The following EPS15 variants were observed in gnomAD, a reference collection of about 807,000 sequenced individuals.
EPS15 encodes the protein epidermal growth factor receptor substrate 15.
Under a neutral mutation model 113.8 loss-of-function variants are expected in EPS15, and 72 were observed. That is an observed-to-expected ratio of 0.63 (90% CI 0.52 to 0.77). The LOEUF (loss-of-function observed/expected upper bound fraction) is 0.77. Among genes scored for constraint, EPS15 ranks in the 30% least tolerant of loss-of-function variants. The pLI is 0.00. For synonymous variants in EPS15, 344 were observed against 363.4 expected, an observed-to-expected ratio of 0.95 and a Z score of 0.61; for missense variants, 1,048 against 1,045.8, an observed-to-expected ratio of 1.00 and a Z score of -0.03.
intron 24 of EPS15, 29 bp from the exon 25 acceptor site, chr1:51,356,875 GAATA>G (rs1646229841): frequency 6.3e-7 from 1 of 1,588,052 alleles, no homozygotes; most frequent in Non-Finnish European, 8.6e-7. Context: ...ATGAACAAAC[GAATA>G]AATAAATGAG....
intron 12 of EPS15, 74 bp downstream of exon 12, chr1:51,440,273 T>C (rs1035828846): frequency 9.4e-6 from 5 of 530,428 alleles, no homozygotes; most frequent in Non-Finnish European, 1.7e-5. Context: ...CATATATACA[T>C]GTACTGTGTG....
In EPS15 at chr1:51,358,892, C is replaced by T. The variant is rs536679703; in HGVS notation, c.2545-2046G>A. On this transcript the variant is annotated intron_variant, in intron 24 of 24. Transcript: ENST00000371733. ...CTAATTTTTGTATTTTTAGTAGAGA[C>T]GGGGTTTCACCATGTTGGCCAGGCT... Among the ~76,000 whole-genome samples the T allele has an allele frequency of 5.9e-5, 9 of 151,464 alleles. No individual in the cohort carries two copies. The South Asian group carries it at 8.3e-4, about 14-fold the overall frequency.
rs746278908 is a variant in EPS15, at chr1:51,363,960, A to G, written c.2265T>C (p.Asn755=). ...TTTTGACCGATGTTTCCTCAAATACATTTTTTGTAATCACTACGTTGCTGA... is the reference window on the plus strand; with the variant it reads ...TTTTGACCGATGTTTCCTCAAATACGTTTTTTGTAATCACTACGTTGCTGA... ...SSVSNVVITK[N]VFEETSVKSE... The change falls in exon 23 of 25, where the codon AAT becomes AAC. Residue 755 remains asparagine (N), a synonymous_variant. Coordinates refer to ENST00000371733, the MANE Select transcript of EPS15 (RefSeq NM_001981.3). 38 of 1,613,656 alleles carry G rather than the reference A, an allele frequency of 2.4e-5. No individual in the cohort carries two copies. In the Admixed American group the frequency reaches 6.3e-4, roughly 27 times the overall value.
At chr1:51,505,445 A>C (rs1342236794) in intron 1 of EPS15, among the ~76,000 whole-genome samples, 1 of 152,234 alleles carries the variant, frequency 6.6e-6, no homozygotes, top group Non-Finnish European at 1.5e-5. Flanking sequence ...ATATTATTCC[A>C]TTCATACAAA....
chr1:51,514,095 G>A (rs946937974), intron 1 of EPS15, among the ~76,000 whole-genome samples: 2 of 151,934 alleles, frequency 1.3e-5, no homozygotes, highest in African/African-American at 2.4e-5. Flanking sequence ...GCTTAACTGG[G>A]TTAGATCATT....
At chr1:51,382,291 T>C (rs961609869) in intron 21 of EPS15, 1 of 152,078 alleles carries the variant, frequency 6.6e-6, no homozygotes, top group Non-Finnish European at 1.5e-5. Context: ...GAATCTGTAA[T>C]CAAAAACCTT....
Position 51,361,349 on chromosome 1 carries a change from CT to C in EPS15, c.2365del (p.Arg789AspfsTer14). 1 of 1,609,122 alleles carries C rather than the reference CT, an allele frequency of 6.2e-7. No homozygotes were observed. Among genetic ancestry groups the C allele is most frequent in the Non-Finnish European group, 8.5e-7 (1 of 1,177,280 alleles). On this transcript the variant is annotated frameshift_variant, in exon 24 of 25. Coordinates refer to ENST00000371733, the MANE Select transcript of EPS15 (RefSeq NM_001981.3). LOFTEE classifies it high-confidence loss of function. Reference protein sequence around the residue: ...TRPCPLPPGKRSINKLDSPDP... With the variant: ...TRPCPLPPGKXSINKLDSPDP... ...AGGAGAATCCAATTTGTTGATGGAT[CT>C]TTTCCCTGGATCAAAATCATTACAA...
chr1:51,478,216 CTTT>C (rs1212264670), intron 2 of EPS15, among the ~76,000 whole-genome samples: 1 of 152,030 alleles, frequency 6.6e-6, no homozygotes, highest in Non-Finnish European at 1.5e-5. Flanking sequence ...TAATGGCCTT[CTTT>C]GTCTCTTTTG....
chr1:51,380,405 T>C (rs1646914462), intron 21 of EPS15, among the ~76,000 whole-genome samples: 1 of 152,176 alleles, frequency 6.6e-6, no homozygotes, highest in Non-Finnish European at 1.5e-5. Context: ...AGAAGTAAAT[T>C]GTGACTTTCA....
In EPS15 at chr1:51,357,376, G is replaced by GAAAAA. The variant is rs56655497; in HGVS notation, c.2545-535_2545-531dup. ...TGGGTGACAAAGTGAGATTCCATCT[G>GAAAAA]AAAAAAAAAAAAAAAATATATATAT... On this transcript the variant is annotated intron_variant, in intron 24 of 24. Coordinates refer to ENST00000371733, the MANE Select transcript of EPS15 (RefSeq NM_001981.3). 2.2e-3 allele frequency among the ~76,000 whole-genome samples: 72 copies of GAAAAA among 33,094 alleles called. 1 individual carries two copies. Among genetic ancestry groups the GAAAAA allele is most frequent in the African/African-American group, 4.7e-3 (24 of 5,158 alleles). The allele number at this position is 33,094 out of a possible 152,430, so 21.7% of individuals were successfully genotyped here. A position where few individuals can be genotyped will look rare whatever the true frequency, so the allele number is the denominator to read the frequency against.
At chr1:51,441,778 T>C (rs1652615981) in intron 11 of EPS15, among the ~76,000 whole-genome samples, 1 of 152,152 alleles carries the variant, frequency 6.6e-6, no homozygotes, top group African/African-American at 2.4e-5. Context: ...AATAACTTGC[T>C]CAAAGTTGAA....
intron 1 of EPS15, among the ~76,000 whole-genome samples, chr1:51,507,206 A>G (rs1570448468): frequency 6.6e-6 from 1 of 152,256 alleles, no homozygotes; most frequent in Non-Finnish European, 1.5e-5. Context: ...AAAAAAATTT[A>G]TCAAATGGTA....
At chr1:51,400,312 T>C (rs1039968927) in intron 19 of EPS15, among the ~76,000 whole-genome samples, 4 of 152,334 alleles carry the variant, frequency 2.6e-5, no homozygotes, top group East Asian at 3.9e-4. Flanking sequence ...GTATAGATCA[T>C]TATGCTCACC....
chr1:51,452,203 T>C (rs566494512), intron 8 of EPS15, among the ~76,000 whole-genome samples: 3 of 152,154 alleles, frequency 2.0e-5, no homozygotes, highest in East Asian at 1.9e-4. Context: ...AATTTTTTCT[T>C]CCAGAGAAAA....
chr1:51,404,689 C>A (rs1376070650), intron 16 of EPS15, among the ~76,000 whole-genome samples: 1 of 152,180 alleles, frequency 6.6e-6, no homozygotes, highest in African/African-American at 2.4e-5. Flanking sequence ...ATAAATCCCC[C>A]AATGCTTTAA....
rs144427254 is a variant in EPS15, at chr1:51,372,838, G to C, written c.2120-6809C>G. On this transcript the variant is annotated intron_variant, in intron 21 of 24. Transcript: ENST00000371733. ...AGTCTTTACCAGCTGATCACAAAGA[G>C]GTCCATGGTTTGAGGAGGCTGAACT... The C allele has an allele frequency of 7.3e-5, 41 of 562,394 alleles. No individual in the cohort carries two copies. The Middle Eastern group carries it at 2.8e-3, about 39-fold the overall frequency. 34.8% of individuals were successfully genotyped at this position (562,394 alleles called of 1,614,324 possible).
At chr1:51,413,406 C>A (rs1649923952) in intron 13 of EPS15, among the ~76,000 whole-genome samples, 1 of 152,170 alleles carries the variant, frequency 6.6e-6, no homozygotes, top group African/African-American at 2.4e-5. Context: ...AAATCTTGTA[C>A]AATGCCTAGC....
chr1:51,415,658 T>C (rs1650138371), intron 13 of EPS15, among the ~76,000 whole-genome samples: 1 of 151,140 alleles, frequency 6.6e-6, no homozygotes, highest in Non-Finnish European at 1.5e-5. Flanking sequence ...TAGCCAGGCG[T>C]GGTGGCGGAT....
Position 51,396,955 on chromosome 1 carries a change from A to C in EPS15, c.2052+2077T>G, listed in dbSNP as rs531005559. On this transcript the variant is annotated intron_variant, in intron 20 of 24. Coordinates refer to ENST00000371733, the MANE Select transcript of EPS15 (RefSeq NM_001981.3). Reference sequence around the variant, plus strand: ...GAGTGCTGTGGTACAATCATGGCTCACTGCTGCCTTGACTTCCTGAGCTCA... The same window carrying C: ...GAGTGCTGTGGTACAATCATGGCTCCCTGCTGCCTTGACTTCCTGAGCTCA... Among the ~76,000 whole-genome samples the C allele has an allele frequency of 5.3e-5, 8 of 152,062 alleles. No individual in the cohort carries two copies. In the South Asian group the frequency reaches 1.7e-3, roughly 32 times the overall value.
Sources: allele counts gnomAD v4.1 joint callset (sites outside exome capture counted in the v4.1 genomes callset), GRCh38; gene constraint gnomAD v4.1.1; transcripts MANE v1.5; gene names NCBI Gene and HGNC (gene_info 2026-07-23, HGNC 2026-07-21).